SFI1: variants seen among roughly 807,000 people sequenced by gnomAD.
SFI1 encodes SFI1 centrin binding protein.
SFI1 carries 195 observed loss-of-function variants against 207.5 expected under a neutral mutation model. That is an observed-to-expected ratio of 0.94 (90% CI 0.84 to 1.06). The LOEUF (loss-of-function observed/expected upper bound fraction) is 1.06. Ranked by LOEUF, SFI1 falls within the 50% of genes least tolerant of loss-of-function variation. SFI1 has a pLI of 0.00. For missense variants in SFI1, 1,634 were observed against 1,588.0 expected (o/e 1.03, Z -0.49); for synonymous variants, 630 against 598.9 (o/e 1.05, Z -0.76).
intron 8 of SFI1, among the ~76,000 whole-genome samples, chr22:31,570,943 A>C (rs893435370): frequency 3.3e-5 from 5 of 152,170 alleles, no homozygotes; most frequent in African/African-American, 1.2e-4. Flanking sequence ...GAGGACCAAA[A>C]TCTGACCTTT....
At chr22:31,553,064 G>C (rs2060772151) in intron 6 of SFI1, among the ~76,000 whole-genome samples, 1 of 152,000 alleles carries the variant, frequency 6.6e-6, no homozygotes, top group African/African-American at 2.4e-5. Context: ...GCTGGTCTTG[G>C]ACCCCTGGGC....
intron 4 of SFI1, among the ~76,000 whole-genome samples, chr22:31,534,472 C>G (rs1332416384): frequency 1.3e-5 from 2 of 151,978 alleles, no homozygotes; most frequent in East Asian, 3.9e-4. Flanking sequence ...TGATAATTTT[C>G]CTTCTCCTAT....
intron 15 of SFI1, among the ~76,000 whole-genome samples, chr22:31,593,161 G>T: frequency 6.7e-6 from 1 of 150,166 alleles, no homozygotes; most frequent in South Asian, 2.1e-4. Context: ...TTCCCGGACG[G>T]GGTGGCTGCC....
intron 2 of SFI1, among the ~76,000 whole-genome samples, chr22:31,510,182 C>G (rs1165601780): frequency 6.6e-6 from 1 of 151,148 alleles, no homozygotes; most frequent in African/African-American, 2.4e-5. Context: ...ACTATCTGTG[C>G]TTTTTTTTGT....
intron 1 of SFI1, among the ~76,000 whole-genome samples, chr22:31,505,290 G>A (rs946042621): frequency 6.6e-6 from 1 of 151,828 alleles, no homozygotes; most frequent in African/African-American, 2.4e-5. Context: ...AATACAAAAA[G>A]TAGCCAGTTG....
At chr22:31,601,708 C>T (rs536105462) in intron 15 of SFI1, among the ~76,000 whole-genome samples, 1 of 152,256 alleles carries the variant, frequency 6.6e-6, no homozygotes, top group South Asian at 2.1e-4. Flanking sequence ...AAATGTTGGC[C>T]TTTTTAACAG....
At chr22:31,528,547 G>A in intron 2 of SFI1, 143 bp from the exon 3 acceptor site, 1 of 745,908 alleles carries the variant, frequency 1.3e-6, no homozygotes, top group South Asian at 1.9e-5. Flanking sequence ...CTGTCAGATT[G>A]GGCTGCTTAT....
chr22:31,567,940 A>G (rs1264635761), intron 8 of SFI1, among the ~76,000 whole-genome samples: 2 of 152,186 alleles, frequency 1.3e-5, no homozygotes, highest in Admixed American at 6.5e-5. Flanking sequence ...TAAGAAATCT[A>G]AAACCACATT....
Position 31,613,357 on chromosome 22 carries a change from T to G in SFI1, c.2569T>G (p.Trp857Gly), listed in dbSNP as rs760367640. ...TCACCTCCTGCCCTCCCTGGAGGTG[T>G]GGGCCACGTGGCTGGCCTTTGTACT... ...FWAFSLQAKVWATWLAFVLER... is the reference protein window; with the variant it reads ...FWAFSLQAKVGATWLAFVLER... Residue 857 changes from tryptophan to glycine, a missense_variant, in exon 26 of 33, where the codon TGG becomes GGG. Trp to Gly is a radical substitution (Grantham distance 184). Transcript: ENST00000400288. 34 of 1,607,582 alleles carry G rather than the reference T, an allele frequency of 2.1e-5. No individual in the cohort carries two copies. Among genetic ancestry groups the G allele is most frequent in the African/African-American group, 8.0e-5 (6 of 74,826 alleles).
rs71184513 is a variant in SFI1 at position 31,598,716 on chromosome 22, CTTTTTTTTTT to C, written c.1545-3482_1545-3473del. The stretch of plus-strand genomic sequence containing the variant: ...ACAGGCATAAGCCACTGCGCCTGGC[CTTTTTTTTTT>C]TTTTTTTTTTTTTGATGAGCAGAAG... On this transcript the variant is annotated intron_variant, in intron 15 of 32. Transcript: ENST00000400288. Among the ~76,000 whole-genome samples, 7 of 26,888 alleles carry C rather than the reference CTTTTTTTTTT, an allele frequency of 2.6e-4. 1 individual carries two copies. The highest frequency in any genetic ancestry group is 7.8e-4 in the Admixed American group (1 of 1,282). 17.6% of individuals were successfully genotyped at this position (26,888 alleles called of 152,430 possible).
intron 24 of SFI1, chr22:31,612,398 A>AAAAAAAAATATATAT (rs1556369798): frequency 3.3e-5 from 2 of 60,194 alleles, no homozygotes; most frequent in African/African-American, 1.3e-4. Flanking sequence ...AAAAAAAAAA[A>AAAAAAAAATATATAT]ATATATATAT....
At chr22:31,521,227 CCAAT>C (rs750718623) in intron 2 of SFI1, 11 of 180,350 alleles carry the variant, frequency 6.1e-5, no homozygotes, top group Admixed American at 2.2e-4. Context: ...TTCTTTCTTC[CCAAT>C]CAGAGACTTG....
At chr22:31,579,547 C>G (rs778448175) in intron 11 of SFI1, among the ~76,000 whole-genome samples, 8 of 149,432 alleles carry the variant, frequency 5.4e-5, no homozygotes, top group Non-Finnish European at 1.2e-4. Flanking sequence ...GATCTCCTGA[C>G]CTCGTGATCC....
At chr22:31,615,364 G>C in intron 29 of SFI1, 85 bp downstream of exon 29, 1 of 1,274,798 alleles carries the variant, frequency 7.8e-7, no homozygotes, top group Non-Finnish European at 1.0e-6. Context: ...AGCTGTACTA[G>C]TTTCTGGAAA....
intron 15 of SFI1, among the ~76,000 whole-genome samples, chr22:31,594,971 A>T (rs2066878188): frequency 6.6e-6 from 1 of 151,846 alleles, no homozygotes; most frequent in Non-Finnish European, 1.5e-5. Flanking sequence ...GGACATAATG[A>T]AGAAATAATA....
At chr22:31,589,325 G>T in intron 14 of SFI1, 122 bp from the exon 15 acceptor site, 2 of 965,682 alleles carry the variant, frequency 2.1e-6, no homozygotes, top group South Asian at 2.4e-5. Context: ...AATAAATAAT[G>T]ATTCATCTTT....
At chr22:31,578,482 G>A (rs201616933) in intron 11 of SFI1, 30 bp downstream of exon 11, 128 of 1,601,620 alleles carry the variant, frequency 8.0e-5, no homozygotes, top group African/African-American at 3.5e-4. Flanking sequence ...GCACGGGTCC[G>A]CTTGGCAGCC....
intron 4 of SFI1, among the ~76,000 whole-genome samples, chr22:31,542,978 T>TC (rs1210186005): frequency 6.8e-6 from 1 of 146,682 alleles, no homozygotes; most frequent in East Asian, 2.1e-4. Flanking sequence ...TTTTTTTCTT[T>TC]TTTTTTTTTT....
At chr22:31,515,023 C>T (rs1034548086) in intron 2 of SFI1, among the ~76,000 whole-genome samples, 27 of 152,260 alleles carry the variant, frequency 1.8e-4, no homozygotes, top group Admixed American at 1.4e-3. Flanking sequence ...CCCACCTCAG[C>T]CTCTCAAAGT....
Sources: gnomAD v4.1 joint callset for allele counts (sites outside exome capture counted in the v4.1 genomes callset) on GRCh38, gnomAD v4.1.1 for gene constraint, MANE v1.5 for transcripts, NCBI Gene and HGNC (gene_info 2026-07-23, HGNC 2026-07-21) for gene names.